The following FRMPD4 variants were observed in gnomAD, a reference collection of about 807,000 sequenced individuals.
FRMPD4 encodes the protein FERM and PDZ domain-containing protein 4.
FRMPD4 carries 22 observed loss-of-function variants against 94.1 expected under a neutral mutation model. The observed-to-expected ratio is 0.23, with a 90% CI of 0.17 to 0.33. FRMPD4 has a LOEUF of 0.33. Among genes scored for constraint, FRMPD4 ranks in the 10% least tolerant of loss-of-function variants. The pLI, the probability that FRMPD4 is intolerant of heterozygous loss-of-function variation, is 1.00. For missense variants in FRMPD4, 1,111 were observed against 1,339.9 expected (o/e 0.83, Z 2.67); for synonymous variants, 631 against 548.6 (o/e 1.15, Z -2.10).
chrX:12,610,747 C>CAAAAAAA (rs61220147), intron 3 of FRMPD4, among the ~76,000 whole-genome samples: 17 of 83,022 alleles, frequency 2.0e-4, no homozygotes, highest in African/African-American at 7.6e-4. Flanking sequence ...GACCCTGTCT[C>CAAAAAAA]AAAAAAAAAA....
intron 1 of FRMPD4, among the ~76,000 whole-genome samples, chrX:12,456,389 G>T (rs1202608274): frequency 9.0e-6 from 1 of 111,407 alleles, no homozygotes; most frequent in African/African-American, 3.3e-5. Context: ...TTAATAGCAT[G>T]AAATTGGCCA....
chrX:11,873,705 C>CT (rs368589472), intron 2 of FRMPD4, among the ~76,000 whole-genome samples: 5,417 of 98,477 alleles, frequency 0.055, 167 homozygotes, highest in East Asian at 0.18. Flanking sequence ...ATCCAGCAGG[C>CT]TTTTTTTTTT....
intron 3 of FRMPD4, among the ~76,000 whole-genome samples, chrX:11,947,198 C>A (rs983397842): frequency 2.7e-5 from 3 of 111,763 alleles, no homozygotes; most frequent in African/African-American, 9.7e-5. Flanking sequence ...GAGTATACCA[C>A]CTTACATTTC....
At position 11,852,291 on chromosome X, in the gene FRMPD4, A is replaced by T. The variant is rs376376717; in HGVS notation, c.-160-12795A>T. On this transcript the variant is annotated intron_variant, in intron 1 of 18. Coordinates refer to the FRMPD4 transcript ENST00000640291. ...AGGCTTTCTGAGTAATATGGGCCAC[A>T]CTTCACTTTCTCAGGGTTTATGGTA... 6.4e-5 allele frequency among the ~76,000 whole-genome samples: 7 copies of T among 108,974 alleles called. No individual in the cohort carries two copies. In the East Asian group the frequency reaches 1.7e-3, roughly 27 times the overall value. 94.6% of individuals were successfully genotyped at this position (108,974 alleles called of 115,157 possible). A position where few individuals can be genotyped will look rare whatever the true frequency, so the allele number is the denominator to read the frequency against.
At chrX:11,874,010 C>T (rs1207529753) in intron 2 of FRMPD4, among the ~76,000 whole-genome samples, 1 of 111,524 alleles carries the variant, frequency 9.0e-6, no homozygotes, top group Non-Finnish European at 1.9e-5. Context: ...CGCACCACTG[C>T]ACTCCAGCCT....
At chrX:12,019,455 T>C (rs1057225556) in intron 3 of FRMPD4, among the ~76,000 whole-genome samples, 2 of 110,281 alleles carry the variant, frequency 1.8e-5, no homozygotes, top group African/African-American at 6.6e-5. Flanking sequence ...GTTGCTAGAT[T>C]AATCTTTCTC....
chrX:12,097,433 T>G (rs1159820685), intron 3 of FRMPD4, among the ~76,000 whole-genome samples: 1 of 112,373 alleles, frequency 8.9e-6, no homozygotes, highest in Non-Finnish European at 1.9e-5. Flanking sequence ...ATCAACAAAT[T>G]CACTCATTTA....
chrX:12,426,016 A>G (rs1481764179), intron 1 of FRMPD4, among the ~76,000 whole-genome samples: 3 of 112,221 alleles, frequency 2.7e-5, no homozygotes, highest in East Asian at 2.8e-4. Flanking sequence ...GTGATTTTCC[A>G]TATATACTAA....
chrX:12,203,627 C>T (rs2056656352), intron 1 of FRMPD4, among the ~76,000 whole-genome samples: 1 of 112,189 alleles, frequency 8.9e-6, no homozygotes. Context: ...AAGGACAGAA[C>T]TGAATACAAG....
At chrX:12,091,152 G>C (rs1171554807) in intron 3 of FRMPD4, among the ~76,000 whole-genome samples, 1 of 111,888 alleles carries the variant, frequency 8.9e-6, no homozygotes, top group African/African-American at 3.2e-5. Context: ...CTATGAATTG[G>C]CACTATTATT....
chrX:12,496,463 A>G (rs1215921332), intron 1 of FRMPD4, among the ~76,000 whole-genome samples: 8 of 111,542 alleles, frequency 7.2e-5, no homozygotes, highest in Non-Finnish European at 1.5e-4. Flanking sequence ...GCTTCTTTTC[A>G]GCTCAATTTG....
At chrX:11,850,535 A>T (rs2053614955) in intron 1 of FRMPD4, among the ~76,000 whole-genome samples, 1 of 112,676 alleles carries the variant, frequency 8.9e-6, no homozygotes, top group Admixed American at 9.4e-5. Context: ...AAGAGCCAAA[A>T]GGTGGAAGCA....
At chrX:12,168,048 T>A (rs1223843029) in intron 1 of FRMPD4, among the ~76,000 whole-genome samples, 2 of 110,314 alleles carry the variant, frequency 1.8e-5, no homozygotes, top group African/African-American at 6.6e-5. Flanking sequence ...TGGCTAGAGG[T>A]TAGGGATGCT....
At chrX:12,594,563 G>A (rs960984467) in intron 2 of FRMPD4, among the ~76,000 whole-genome samples, 17 of 110,457 alleles carry the variant, frequency 1.5e-4, no homozygotes, top group Non-Finnish European at 3.0e-4. Context: ...AGCCTCCCGA[G>A]TAGCTGGGAC....
chrX:12,170,767 C>A (rs764986022), intron 1 of FRMPD4, among the ~76,000 whole-genome samples: 1 of 112,983 alleles, frequency 8.9e-6, no homozygotes, highest in African/African-American at 3.2e-5. Context: ...CTCACTCTAG[C>A]AGCCACAGGA....
chrX:12,501,380 G>C (rs1453724242), intron 2 of FRMPD4, among the ~76,000 whole-genome samples: 1 of 111,094 alleles, frequency 9.0e-6, no homozygotes, highest in Non-Finnish European at 1.9e-5. Flanking sequence ...TCTTCGGAAA[G>C]TGTTTGTTCT....
At chrX:12,689,770 A>G (rs1272144339) in intron 7 of FRMPD4, among the ~76,000 whole-genome samples, 1 of 112,999 alleles carries the variant, frequency 8.8e-6, no homozygotes, top group Non-Finnish European at 1.9e-5. Flanking sequence ...ATGGTGAGCT[A>G]GTTTTGGCAT....
intron 1 of FRMPD4, among the ~76,000 whole-genome samples, chrX:12,189,452 C>T (rs2056464344): frequency 9.0e-6 from 1 of 111,128 alleles, no homozygotes; most frequent in Non-Finnish European, 1.9e-5. Context: ...CAAAAGCACA[C>T]AGACATTAGA....
chrX:12,532,927 T>C (rs1349284631), intron 2 of FRMPD4, among the ~76,000 whole-genome samples: 1 of 112,635 alleles, frequency 8.9e-6, no homozygotes, highest in Non-Finnish European at 1.9e-5. Flanking sequence ...AAATATTATT[T>C]TGATAATTAT....
Sources: gnomAD v4.1 joint callset for allele counts (sites outside exome capture counted in the v4.1 genomes callset) on GRCh38, gnomAD v4.1.1 for gene constraint, MANE v1.5 for transcripts, NCBI Gene and HGNC (gene_info 2026-07-23, HGNC 2026-07-21) for gene names.